The following SGO2 variants were observed in gnomAD, a reference collection of about 807,000 sequenced individuals.
The protein encoded by SGO2 is shugoshin-like 2.
In SGO2, 68 loss-of-function variants were observed where a neutral mutation model predicts 99.5. The ratio of observed to expected loss-of-function variants is 0.68; its 90% CI spans 0.56 to 0.84. The LOEUF (loss-of-function observed/expected upper bound fraction) is 0.84, where lower values mean the gene tolerates loss of function less well. Ranked by LOEUF, SGO2 falls within the 40% of genes least tolerant of loss-of-function variation. The probability of loss-of-function intolerance (pLI) is 0.00; values close to 1 mark genes in which losing one functional copy is unlikely to be tolerated. For synonymous variants in SGO2, 457 were observed against 487.1 expected, an observed-to-expected ratio of 0.94 and a Z score of 0.81; for missense variants, 1,350 against 1,436.7, an observed-to-expected ratio of 0.94 and a Z score of 0.97.
chr2:200,539,298 A>C (rs2106311158), intron 4 of SGO2, among the ~76,000 whole-genome samples: 1 of 152,086 alleles, frequency 6.6e-6, no homozygotes, highest in East Asian at 1.9e-4. Context: ...ATGGATGTTC[A>C]CAGAGTTGAC....
At chr2:200,560,327 C>T (rs551382354) in intron 5 of SGO2, among the ~76,000 whole-genome samples, 2 of 151,984 alleles carry the variant, frequency 1.3e-5, no homozygotes, top group Non-Finnish European at 2.9e-5. Context: ...TTTTTCTATA[C>T]CCTTACTTTC....
At chr2:200,530,235 G>C (rs985145027) in intron 1 of SGO2, among the ~76,000 whole-genome samples, 3 of 152,150 alleles carry the variant, frequency 2.0e-5, no homozygotes, top group Non-Finnish European at 1.5e-5. Flanking sequence ...GTGAGACATG[G>C]TAGTGCCTCT....
chr2:200,564,478 C>T (rs2106336442), intron 5 of SGO2, among the ~76,000 whole-genome samples: 1 of 152,230 alleles, frequency 6.6e-6, no homozygotes, highest in South Asian at 2.1e-4. Context: ...GCTTTACTTC[C>T]AACTGTGTGG....
At chr2:200,565,153 G>A (rs1478542416) in intron 5 of SGO2, among the ~76,000 whole-genome samples, 1 of 152,178 alleles carries the variant, frequency 6.6e-6, no homozygotes, top group African/African-American at 2.4e-5. Context: ...TTTCTTCCTA[G>A]CATCAGTGGT....
chr2:200,538,432 A>G (rs1185295825), intron 4 of SGO2, among the ~76,000 whole-genome samples: 2 of 151,414 alleles, frequency 1.3e-5, no homozygotes, highest in Admixed American at 6.6e-5. Flanking sequence ...AAATTTAAAC[A>G]CTCCTCACCC....
At position 200,583,558 on chromosome 2, in the gene SGO2, A is replaced by AT; in HGVS notation, c.*94_*95insT. On this transcript the variant is annotated 3_prime_UTR_variant, in exon 9 of 9. Coordinates refer to ENST00000357799, the MANE Select transcript of SGO2 (RefSeq NM_152524.6). Reference sequence around the variant, plus strand: ...CAAGAAGATGAAATGCTTAATGAAAAGGTTTTTTTTTTGTTTCTTTGGCCT... The same window carrying AT: ...CAAGAAGATGAAATGCTTAATGAAAATGGTTTTTTTTTTGTTTCTTTGGCCT... 8.2e-7 allele frequency: 1 copy of AT among 1,215,434 alleles called. No individual in the cohort carries two copies. 75.3% of individuals were successfully genotyped at this position (1,215,434 alleles called of 1,614,324 possible). A position where few individuals can be genotyped will look rare whatever the true frequency, so the allele number is the denominator to read the frequency against.
At chr2:200,533,517 A>ATGTGTG (rs751624851) in intron 2 of SGO2, 3 of 65,496 alleles carry the variant, frequency 4.6e-5, no homozygotes, top group Non-Finnish European at 1.1e-4. Flanking sequence ...TATATAATGT[A>ATGTGTG]TATGTGTGTG....
chr2:200,530,550 G>A (rs538081162), intron 1 of SGO2, among the ~76,000 whole-genome samples: 3 of 152,308 alleles, frequency 2.0e-5, no homozygotes, highest in Non-Finnish European at 2.9e-5. Context: ...TATTTTAAGT[G>A]ATGAGACTGT....
Position 200,571,606 on chromosome 2 carries a change from T to A in SGO2, c.1260T>A (p.Ser420Arg). 1 of 1,612,470 alleles carries A rather than the reference T, an allele frequency of 6.2e-7. No homozygotes were observed. Among genetic ancestry groups the A allele is most frequent in the East Asian group, 2.2e-5 (1 of 44,874 alleles). The change falls in exon 7 of 9, where the codon AGT becomes AGA. Residue 420 changes from serine (S) to arginine (R), a missense_variant. Ser to Arg is a moderately radical substitution (Grantham distance 110, BLOSUM62 -1). Coordinates refer to ENST00000357799, the MANE Select transcript of SGO2 (RefSeq NM_152524.6). ...GATCAAAGAGACAGTTTAAAAATAG[T>A]TCAGATGTCGATATTGGGGAAAAGA... Reference protein sequence around the residue: ...RERSKRQFKNSSDVDIGEKIE... With the variant: ...RERSKRQFKNRSDVDIGEKIE...
Position 200,571,971 on chromosome 2 carries a change from A to G in SGO2, c.1625A>G (p.Lys542Arg), listed in dbSNP as rs755037445. The part of the protein sequence containing the change: ...KASRQTFVIH[K>R]LEKDNLLPNQ... ...TCTAGACAGACATTTGTGATTCACA[A>G]ATTAGAAAAAGATAACTTACTCCCA... The change falls in exon 7 of 9, where the codon AAA becomes AGA. Residue 542 changes from lysine to arginine, a missense_variant. Physicochemically the swap from Lys to Arg is conservative, Grantham distance 26. Transcript: ENST00000357799. 1 of 1,609,510 alleles carries G rather than the reference A, an allele frequency of 6.2e-7. No homozygotes were observed. Among genetic ancestry groups the G allele is most frequent in the Non-Finnish European group, 8.5e-7 (1 of 1,178,644 alleles).
chr2:200,553,231 G>A (rs566317237), intron 5 of SGO2, among the ~76,000 whole-genome samples: 16 of 152,290 alleles, frequency 1.1e-4, no homozygotes, highest in African/African-American at 3.8e-4. Context: ...TACACAAGGA[G>A]TACAATAGCA....
At chr2:200,553,149 C>T (rs2032566720) in intron 5 of SGO2, among the ~76,000 whole-genome samples, 1 of 152,124 alleles carries the variant, frequency 6.6e-6, no homozygotes, top group African/African-American at 2.4e-5. Flanking sequence ...TGAGTTCTGA[C>T]AAAAGGTGAT....
intron 4 of SGO2, among the ~76,000 whole-genome samples, 197 bp from the exon 5 acceptor site, chr2:200,542,382 G>A (rs1441940353): frequency 1.3e-5 from 2 of 152,138 alleles, no homozygotes; most frequent in African/African-American, 2.4e-5. Flanking sequence ...AATGTTGGCA[G>A]TGATTATCTT....
At chr2:200,537,261 C>T (rs1252580082) in intron 4 of SGO2, among the ~76,000 whole-genome samples, 1 of 152,046 alleles carries the variant, frequency 6.6e-6, no homozygotes. Context: ...CTGGATTATT[C>T]CCATCAGGAT....
At chr2:200,568,298 AATC>A (rs1291569283) in intron 5 of SGO2, among the ~76,000 whole-genome samples, 3 of 152,098 alleles carry the variant, frequency 2.0e-5, no homozygotes, top group Non-Finnish European at 4.4e-5. Context: ...TGTGAGTTTA[AATC>A]ATGTTTTTCT....
intron 4 of SGO2, among the ~76,000 whole-genome samples, chr2:200,539,803 C>T (rs1362458294): frequency 3.3e-5 from 5 of 152,042 alleles, no homozygotes; most frequent in African/African-American, 1.2e-4. Context: ...TCCAGTCCTG[C>T]CCTCTTTCTC....
intron 4 of SGO2, among the ~76,000 whole-genome samples, chr2:200,538,913 A>C (rs1161144243): frequency 6.6e-6 from 1 of 151,946 alleles, no homozygotes; most frequent in Non-Finnish European, 1.5e-5. Flanking sequence ...AGATTTTTCT[A>C]TTGTTAGTTA....
intron 5 of SGO2, among the ~76,000 whole-genome samples, chr2:200,558,990 A>G (rs193275627): frequency 1.3e-5 from 2 of 152,106 alleles, no homozygotes; most frequent in African/African-American, 4.8e-5. Flanking sequence ...TTTTATAGAG[A>G]CAGGGTTTCG....
At chr2:200,534,973 T>C in intron 2 of SGO2, 23 bp from the exon 3 acceptor site, 1 of 1,469,902 alleles carries the variant, frequency 6.8e-7, no homozygotes, top group Non-Finnish European at 9.0e-7. Flanking sequence ...GAATATTAAC[T>C]CATTTTAAAA....
Sources: allele counts gnomAD v4.1 joint callset (sites outside exome capture counted in the v4.1 genomes callset), GRCh38; gene constraint gnomAD v4.1.1; transcripts MANE v1.5; gene names NCBI Gene and HGNC (gene_info 2026-07-23, HGNC 2026-07-21).